Variants in COL8A2 observed in about 807,000 individuals in gnomAD.
COL8A2 encodes the protein collagen alpha-2(VIII) chain.
Under a neutral mutation model 24.0 loss-of-function variants are expected in COL8A2, and 16 were observed. The observed-to-expected ratio is 0.67, with a 90% CI of 0.45 to 1.01. The LOEUF is 1.01. Ranked by LOEUF, COL8A2 falls within the 50% of genes least tolerant of loss-of-function variation. COL8A2 has a pLI of 0.00. For synonymous variants in COL8A2, 466 were observed against 424.5 expected (o/e 1.10, Z -1.20); for missense variants, 818 against 942.4 (o/e 0.87, Z 1.73).
intron 2 of COL8A2, 141 bp from the exon 3 acceptor site, chr1:36,100,399 T>A: frequency 1.3e-6 from 1 of 793,696 alleles, no homozygotes; most frequent in Non-Finnish European, 2.0e-6. Flanking sequence ...AATTTAGATA[T>A]TATTCACAAG....
At chr1:36,120,946 G>A (rs184297492) in intron 1 of COL8A2, among the ~76,000 whole-genome samples, 220 of 149,396 alleles carry the variant, frequency 1.5e-3, no homozygotes, top group African/African-American at 3.2e-3. Context: ...AAAATTAGCC[G>A]GGCCTGGTGG....
rs753332635 is a variant in COL8A2 at position 36,099,210 on chromosome 1, G to A, written c.471C>T (p.Pro157=). The part of the protein sequence containing the change: ...GIRGDQGLRG[P]PGPPGLPGPS... ...GGCCCGGGAGGCCAGGGGGTCCTGGGGGTCCCCGGAGGCCCTGGTCCCCTC... is the reference window on the plus strand; with the variant it reads ...GGCCCGGGAGGCCAGGGGGTCCTGGAGGTCCCCGGAGGCCCTGGTCCCCTC... Residue 157 remains proline, a synonymous_variant, in exon 4 of 4, where the codon CCC becomes CCT. Transcript: ENST00000397799. The A allele has an allele frequency of 1.2e-5, 18 of 1,533,160 alleles. No individual in the cohort carries two copies. The highest frequency in any genetic ancestry group is 3.6e-5 in the South Asian group (3 of 82,878). 95.0% of individuals were successfully genotyped at this position (1,533,160 alleles called of 1,614,324 possible). A position where few individuals can be genotyped will look rare whatever the true frequency, so the allele number is the denominator to read the frequency against.
chr1:36,106,929 CATGAGTGAGGAGGGT>C (rs534114082), intron 2 of COL8A2, among the ~76,000 whole-genome samples: 201 of 152,258 alleles, frequency 1.3e-3, no homozygotes, highest in African/African-American at 4.6e-3. Flanking sequence ...GAGGTGTCGC[CATGAGTGAGGAGGGT>C]ATGAGTGAGG....
Position 36,100,158 on chromosome 1 carries a change from C to G in COL8A2, c.85G>C (p.Gly29Arg), listed in dbSNP as rs1290702164. The change falls in exon 3 of 4, where the codon GGT becomes CGT. Residue 29 changes from glycine to arginine, a missense_variant. By Grantham distance (125) the Gly-to-Arg change is moderately radical (BLOSUM62 -2). Around this residue, in one of 3 missense-constraint regions of COL8A2, gnomAD observed 573 missense variants for 616.8 expected, o/e 0.93. Coordinates refer to ENST00000397799, the MANE Select transcript of COL8A2 (RefSeq NM_005202.4). ...CCCGCCGCCCCACCGGCCCCGCCAC[C>G]AGAGGACGCCCGCGGCCCACACCCC... ...VLGCGPRASS[G>R]GGAGGAAGYA... 1 of 1,612,292 alleles carries G rather than the reference C, an allele frequency of 6.2e-7. No homozygotes were observed. The highest frequency in any genetic ancestry group is 8.5e-7 in the Non-Finnish European group (1 of 1,179,424).
chr1:36,099,692 A>T (rs1009040000), intron 3 of COL8A2, among the ~76,000 whole-genome samples: 1 of 151,918 alleles, frequency 6.6e-6, no homozygotes, highest in African/African-American at 2.4e-5. Context: ...GGCTCCTAAC[A>T]CCCAACCTAC....
intron 2 of COL8A2, among the ~76,000 whole-genome samples, chr1:36,103,464 G>A (rs1157302915): frequency 6.6e-6 from 1 of 151,828 alleles, no homozygotes; most frequent in Non-Finnish European, 1.5e-5. Flanking sequence ...AGTAGAGATG[G>A]GGGTTTCACT....
Position 36,125,195 on chromosome 1 carries a change from G to A in COL8A2, c.-200C>T. ...CGCCGGCGGGGTTCCGCGTCGCTCT[G>A]CCGGCCGCCCCTCGCGGCTGCCGGA... On this transcript the variant is annotated 5_prime_UTR_variant, in exon 1 of 4. Transcript: ENST00000397799. This position sits in a 1 kb window ranked among gnomAD's most constrained non-coding sequence, Gnocchi z 4.5. 1 of 371,036 alleles carries A rather than the reference G, an allele frequency of 2.7e-6. No homozygotes were observed. The highest frequency in any genetic ancestry group is 3.7e-6 in the Non-Finnish European group (1 of 269,838). 23.0% of individuals were successfully genotyped at this position (371,036 alleles called of 1,614,324 possible).
At chr1:36,113,682 C>T (rs1012440281) in intron 2 of COL8A2, among the ~76,000 whole-genome samples, 2 of 152,212 alleles carry the variant, frequency 1.3e-5, no homozygotes, top group African/African-American at 4.8e-5. Context: ...GCCTGGGGGC[C>T]ACCTTCTCAC....
intron 2 of COL8A2, among the ~76,000 whole-genome samples, chr1:36,100,932 C>T (rs1385003137): frequency 3.2e-5 from 4 of 125,772 alleles, no homozygotes; most frequent in Admixed American, 2.0e-4. Context: ...CAGTTTTGCT[C>T]GCCCAGTGCA....
rs997040955 is a variant in COL8A2 at position 36,115,959 on chromosome 1, G to C, written c.-61-207C>G. Among the ~76,000 whole-genome samples the C allele has an allele frequency of 6.6e-6, 1 of 151,946 alleles. No homozygotes were observed. The highest frequency in any genetic ancestry group is 1.5e-5 in the Non-Finnish European group (1 of 67,988). On this transcript the variant is annotated intron_variant, in intron 1 of 3. Transcript: ENST00000397799. This position sits in a 1 kb window ranked among gnomAD's most constrained non-coding sequence, Gnocchi z 5.7. ...CACGCCTATAGTCCCAGCTACTTAG[G>C]AGGCTGAGGTGGGTGGTATTGCTTG...
intron 1 of COL8A2, among the ~76,000 whole-genome samples, chr1:36,116,928 G>C (rs1360656266): frequency 6.6e-6 from 1 of 152,210 alleles, no homozygotes; most frequent in Non-Finnish European, 1.5e-5. Flanking sequence ...GTGGTGCCAG[G>C]ATCTAACAAA....
rs574001499 is a variant in COL8A2, at chr1:36,098,018, C to T, written c.1663G>A (p.Val555Met). The T allele has an allele frequency of 8.3e-5, 132 of 1,595,018 alleles. No homozygotes were observed. The highest frequency in any genetic ancestry group is 1.1e-4 in the Non-Finnish European group (127 of 1,175,104). Residue 555 changes from valine (V) to methionine (M), a missense_variant, in exon 4 of 4, where the codon GTG (valine) becomes ATG (methionine). By Grantham distance (21) the Val-to-Met change is conservative. Around this residue, in one of 3 missense-constraint regions of COL8A2, gnomAD observed 235 missense variants for 297.3 expected, o/e 0.79. Coordinates refer to ENST00000397799, the MANE Select transcript of COL8A2 (RefSeq NM_005202.4). ...TGTGGCTTGCCCCCCTTGCCCAGCA[C>T]GGCACCCTCCACACCGCCGTTGGGC... ...HLPNGGVEGA[V>M]LGKGGKPQFG...
At chr1:36,121,481 G>C (rs1174981191) in intron 1 of COL8A2, among the ~76,000 whole-genome samples, 1 of 151,074 alleles carries the variant, frequency 6.6e-6, no homozygotes, top group African/African-American at 2.4e-5. Context: ...AGCACTTTGG[G>C]AGGCCAAGGC....
In COL8A2 at chr1:36,115,081, T is replaced by G. The variant is rs1643872794; in HGVS notation, c.-17+627A>C. Among the ~76,000 whole-genome samples, 2 of 152,028 alleles carry G rather than the reference T, an allele frequency of 1.3e-5. No homozygotes were observed. The highest frequency in any genetic ancestry group is 4.8e-5 in the African/African-American group (2 of 41,464). On this transcript the variant is annotated intron_variant, in intron 2 of 3. Transcript: ENST00000397799. The surrounding 1 kb of genome is among the most constrained non-coding windows in gnomAD (Gnocchi z 5.7). ...GGGCAGCCATGTACCCTCAGGCAGGTAGCCAGGCAGCTGGCCCTTCCCCAC... is the reference window on the plus strand; with the variant it reads ...GGGCAGCCATGTACCCTCAGGCAGGGAGCCAGGCAGCTGGCCCTTCCCCAC...
intron 3 of COL8A2, among the ~76,000 whole-genome samples, 188 bp from the exon 4 acceptor site, chr1:36,099,675 C>T (rs1436116420): frequency 6.6e-6 from 1 of 152,112 alleles, no homozygotes; most frequent in African/African-American, 2.4e-5. Context: ...AGGGTGTCCT[C>T]CTTAAGGGCT....
At chr1:36,122,268 T>G (rs2124115332) in intron 1 of COL8A2, among the ~76,000 whole-genome samples, 1 of 152,294 alleles carries the variant, frequency 6.6e-6, no homozygotes, top group Middle Eastern at 3.4e-3. Context: ...GGCACAGAGC[T>G]GGGAAGTCCT....
rs140349479 is a variant in COL8A2 at position 36,123,492 on chromosome 1, T to C, written c.-62+1565A>G. On this transcript the variant is annotated intron_variant, in intron 1 of 3. Coordinates refer to ENST00000397799, the MANE Select transcript of COL8A2 (RefSeq NM_005202.4). The surrounding 1 kb of genome is among the most constrained non-coding windows in gnomAD (Gnocchi z 4.1). The stretch of plus-strand genomic sequence containing the variant: ...AAAGAGCGGAAATTCTCATTTTCAC[T>C]GTGGTAGACGAAGTGAAACCAGAGA... 3.6e-3 allele frequency among the ~76,000 whole-genome samples: 555 copies of C among 152,322 alleles called. 6 individuals are homozygous for C. Among genetic ancestry groups the C allele is most frequent in the South Asian group, 0.03 (146 of 4,830 alleles).
Position 36,100,286 on chromosome 1 carries a change from A to G in COL8A2, c.-16-28T>C, listed in dbSNP as rs1280224275. 5.9e-6 allele frequency: 9 copies of G among 1,536,204 alleles called. No homozygotes were observed. In the East Asian group the frequency reaches 2.0e-4, roughly 33 times the overall value. On this transcript the variant is annotated intron_variant, in intron 2 of 3. Transcript: ENST00000397799. ...GCAAAGAAGAACAGAGAAAGTCATC[A>G]AGCCAGCCCTGGGTGGTTTGGCACT...
At chr1:36,104,241 C>T (rs1446548412) in intron 2 of COL8A2, among the ~76,000 whole-genome samples, 1 of 152,064 alleles carries the variant, frequency 6.6e-6, no homozygotes, top group Non-Finnish European at 1.5e-5. Context: ...CCTGTAATCT[C>T]AGCACTTTGG....
Sources: allele counts gnomAD v4.1 joint callset (sites outside exome capture counted in the v4.1 genomes callset), GRCh38; gene constraint gnomAD v4.1.1; regional missense constraint gnomAD v4.1.1; non-coding constraint Gnocchi (gnomAD v3.1); transcripts MANE v1.5; gene names NCBI Gene and HGNC (gene_info 2026-07-23, HGNC 2026-07-21).